ATP11B: variants seen among roughly 807,000 people sequenced by gnomAD.
ATP11B encodes phospholipid-transporting ATPase IF.
A neutral mutation model predicts 157.8 loss-of-function variants in ATP11B; 81 were observed. The ratio of observed to expected loss-of-function variants is 0.51; its 90% CI spans 0.43 to 0.62. The LOEUF is 0.62. Ranked by LOEUF, ATP11B falls within the 20% of genes least tolerant of loss-of-function variation. The pLI is 0.00. For missense variants in ATP11B, 1,165 were observed against 1,402.2 expected (o/e 0.83, Z 2.70); for synonymous variants, 451 against 469.4 (o/e 0.96, Z 0.51).
intron 25 of ATP11B, among the ~76,000 whole-genome samples, chr3:182,893,818 A>G (rs1723336932): frequency 6.6e-6 from 1 of 152,206 alleles, no homozygotes. Flanking sequence ...ACAGTGTAAA[A>G]GTGTTCCCTT....
At position 182,844,927 on chromosome 3, in the gene ATP11B, C is replaced by T. The variant is rs1253604665; in HGVS notation, c.705-531C>T. ...ATAATCATTTTTCTGAGCCACTAAT[C>T]TTAAAGCAGGTATTTGTTGTTACAG... is the stretch of plus-strand genomic sequence containing the variant. On this transcript the variant is annotated intron_variant, in intron 8 of 29. Coordinates refer to ENST00000323116, the MANE Select transcript of ATP11B (RefSeq NM_014616.3). Among the ~76,000 whole-genome samples the T allele has an allele frequency of 4.1e-5, 6 of 146,338 alleles. No homozygotes were observed. The East Asian group carries it at 1.2e-3, about 29-fold the overall frequency.
rs1240964176 is a variant in ATP11B at position 182,916,716 on chromosome 3, GA to G, written c.3453-1299del. 1.7e-5 allele frequency: 17 copies of G among 983,576 alleles called. No individual in the cohort carries two copies. The Admixed American group carries it at 7.4e-4, about 43-fold the overall frequency. 60.9% of individuals were successfully genotyped at this position (983,576 alleles called of 1,614,324 possible). A position where few individuals can be genotyped will look rare whatever the true frequency, so the allele number is the denominator to read the frequency against. The stretch of plus-strand genomic sequence containing the variant: ...ACATATGAATGCACATGTGTGCTTT[GA>G]AAAAAAATTTAAAATGAAGGAGACT... On this transcript the variant is annotated intron_variant, in intron 29 of 29. Transcript: ENST00000323116.
At chr3:182,875,038 A>T (rs1721929942) in intron 19 of ATP11B, among the ~76,000 whole-genome samples, 1 of 152,180 alleles carries the variant, frequency 6.6e-6, no homozygotes, top group Non-Finnish European at 1.5e-5. Context: ...ATTATTTCAT[A>T]AGAATTTATA....
At chr3:182,838,046 G>C (rs1305901637) in intron 7 of ATP11B, among the ~76,000 whole-genome samples, 1 of 151,924 alleles carries the variant, frequency 6.6e-6, no homozygotes, top group Non-Finnish European at 1.5e-5. Flanking sequence ...TCCCCCTGTT[G>C]GTTGAAATGT....
Position 182,845,510 on chromosome 3 carries a change from A to G in ATP11B, c.757A>G (p.Lys253Glu), listed in dbSNP as rs1279215569. 4 of 1,594,334 alleles carry G rather than the reference A, an allele frequency of 2.5e-6. No homozygotes were observed. The highest frequency in any genetic ancestry group is 3.4e-6 in the Non-Finnish European group (4 of 1,175,088). Residue 253 changes from lysine (K) to glutamate (E), a missense_variant, in exon 9 of 30, where the codon AAA becomes GAA. Physicochemically the swap from Lys to Glu is moderately conservative, Grantham distance 56. Coordinates refer to ENST00000323116, the MANE Select transcript of ATP11B (RefSeq NM_014616.3). ...TCGTGGAGCCAGATTAAAAAACACAAAAGAAATTTTTGGTTTGTACATATT... is the reference window on the plus strand; with the variant it reads ...TCGTGGAGCCAGATTAAAAAACACAGAAGAAATTTTTGGTTTGTACATATT... The part of the protein sequence containing the change: ...LLRGARLKNT[K>E]EIFGVAVYTG...
At chr3:182,800,651 A>G (rs562688388) in intron 1 of ATP11B, among the ~76,000 whole-genome samples, 1 of 152,186 alleles carries the variant, frequency 6.6e-6, no homozygotes, top group South Asian at 2.1e-4. Flanking sequence ...GCTCTGAGGG[A>G]ACTGTTTGAC....
At chr3:182,877,335 G>A (rs1722115129) in intron 19 of ATP11B, among the ~76,000 whole-genome samples, 1 of 152,152 alleles carries the variant, frequency 6.6e-6, no homozygotes, top group Non-Finnish European at 1.5e-5. Context: ...AAGCAAACGG[G>A]AGGCTGGGCA....
intron 21 of ATP11B, among the ~76,000 whole-genome samples, chr3:182,882,320 CAT>C (rs1308174920): frequency 1.3e-5 from 2 of 151,900 alleles, no homozygotes; most frequent in African/African-American, 2.4e-5. Flanking sequence ...CTATACCATA[CAT>C]TTAAGGCTAT....
intron 2 of ATP11B, 141 bp downstream of exon 2, chr3:182,820,517 CT>C: frequency 1.6e-6 from 1 of 609,152 alleles, no homozygotes; most frequent in Non-Finnish European, 2.9e-6. Context: ...GACCTTGTCT[CT>C]GCAAAAAATC....
At chr3:182,867,317 A>AAG in intron 14 of ATP11B, 59 bp from the exon 15 acceptor site, 1 of 960,738 alleles carries the variant, frequency 1.0e-6, no homozygotes. Flanking sequence ...CTATAGTGAC[A>AAG]TTGTGAAATA....
intron 4 of ATP11B, among the ~76,000 whole-genome samples, chr3:182,832,921 G>A (rs1057449879): frequency 6.6e-6 from 1 of 152,046 alleles, no homozygotes; most frequent in Admixed American, 6.5e-5. Context: ...ATCAGAGACG[G>A]TTTTGTGGAG....
At chr3:182,838,240 AGACT>A (rs891090437) in intron 7 of ATP11B, among the ~76,000 whole-genome samples, 13 of 152,092 alleles carry the variant, frequency 8.5e-5, no homozygotes, top group African/African-American at 2.9e-4. Flanking sequence ...AGCACTTGAT[AGACT>A]GACTGTAAGA....
At position 182,840,693 on chromosome 3, in the gene ATP11B, G is replaced by A. The variant is rs546162857; in HGVS notation, c.657-1382G>A. On this transcript the variant is annotated intron_variant, in intron 7 of 29. Coordinates refer to ENST00000323116, the MANE Select transcript of ATP11B (RefSeq NM_014616.3). ...GACTCCTCACATCTCCTCTCCCTTC[G>A]TCTTTCTTCACCTCCTTACTCACAT... Among the ~76,000 whole-genome samples the A allele has an allele frequency of 1.5e-3, 226 of 151,982 alleles. 2 individuals are homozygous for A. The highest frequency in any genetic ancestry group is 2.8e-3 in the Non-Finnish European group (191 of 67,984).
At chr3:182,891,236 G>A (rs1319010396) in intron 25 of ATP11B, among the ~76,000 whole-genome samples, 1 of 152,128 alleles carries the variant, frequency 6.6e-6, no homozygotes, top group East Asian at 1.9e-4. Flanking sequence ...TAAGAAGAAG[G>A]AAATTTGGAT....
At chr3:182,798,499 G>A (rs994084827) in intron 1 of ATP11B, among the ~76,000 whole-genome samples, 3 of 152,156 alleles carry the variant, frequency 2.0e-5, no homozygotes, top group African/African-American at 7.2e-5. Flanking sequence ...AGTATGTGCT[G>A]CTTTATCTCT....
intron 10 of ATP11B, among the ~76,000 whole-genome samples, chr3:182,855,467 CAA>C (rs1189286847): frequency 1.3e-5 from 2 of 152,042 alleles, no homozygotes; most frequent in South Asian, 2.1e-4. Context: ...TAGTGTTAGA[CAA>C]AGAGCTAGAA....
chr3:182,825,099 G>A (rs1717625535), intron 2 of ATP11B, among the ~76,000 whole-genome samples: 1 of 152,062 alleles, frequency 6.6e-6, no homozygotes, highest in Non-Finnish European at 1.5e-5. Context: ...AGACTGCATT[G>A]TTTTCTATCT....
At chr3:182,840,026 T>C (rs1467603974) in intron 7 of ATP11B, among the ~76,000 whole-genome samples, 1 of 152,190 alleles carries the variant, frequency 6.6e-6, no homozygotes, top group Non-Finnish European at 1.5e-5. Flanking sequence ...GAATTAATGA[T>C]CATTTTAAAT....
chr3:182,893,237 C>CTT (rs199787993), intron 25 of ATP11B, among the ~76,000 whole-genome samples: 2 of 150,926 alleles, frequency 1.3e-5, no homozygotes, highest in Non-Finnish European at 3.0e-5. Context: ...TTATTATTTA[C>CTT]TTTTTTTTTA....
Sources: gnomAD v4.1 joint callset for allele counts (sites outside exome capture counted in the v4.1 genomes callset) on GRCh38, gnomAD v4.1.1 for gene constraint, MANE v1.5 for transcripts, NCBI Gene and HGNC (gene_info 2026-07-23, HGNC 2026-07-21) for gene names.